The following MYO16 variants were observed in gnomAD, a reference collection of about 807,000 sequenced individuals.
MYO16 encodes the protein myosin XVI.
A neutral mutation model predicts 205.3 loss-of-function variants in MYO16; 94 were observed. The observed-to-expected ratio is 0.46, with a 90% CI of 0.39 to 0.54. The LOEUF (loss-of-function observed/expected upper bound fraction) is 0.54, where lower values mean the gene tolerates loss of function less well. Among genes scored for constraint, MYO16 ranks in the 20% least tolerant of loss-of-function variants. The pLI, the probability that MYO16 is intolerant of heterozygous loss-of-function variation, is 0.00. For missense variants in MYO16, 2,315 were observed against 2,387.5 expected (o/e 0.97, Z 0.63); for synonymous variants, 988 against 954.0 (o/e 1.04, Z -0.66).
At chr13:109,052,588 TA>T in intron 25 of MYO16, 113 bp downstream of exon 25, 1 of 794,042 alleles carries the variant, frequency 1.3e-6, no homozygotes, top group Non-Finnish European at 1.9e-6. Flanking sequence ...GATATTCTAA[TA>T]GAAAGTATTA....
rs912976961 is a variant in MYO16, at chr13:109,055,686, G to A, written c.3335+91G>A. On this transcript the variant is annotated intron_variant, in intron 27 of 34. Transcript: ENST00000457511. The surrounding 1 kb of genome is among the most constrained non-coding windows in gnomAD (Gnocchi z 5.0). ...ACTATTGTAGCAAGGGTCTTCTGTT[G>A]TCTTTTTTGGCACTGCTTTTGTTGT... 2.5e-6 allele frequency: 3 copies of A among 1,184,800 alleles called. No homozygotes were observed. The highest frequency in any genetic ancestry group is 3.6e-6 in the Non-Finnish European group (3 of 828,278). 73.4% of individuals were successfully genotyped at this position (1,184,800 alleles called of 1,614,324 possible). A position where few individuals can be genotyped will look rare whatever the true frequency, so the allele number is the denominator to read the frequency against.
chr13:108,844,469 G>A lies in MYO16; in HGVS notation c.1224G>A (p.Met408Ile), dbSNP rs756074837. The A allele has an allele frequency of 1.5e-5, 24 of 1,610,868 alleles. No homozygotes were observed. The highest frequency in any genetic ancestry group is 3.3e-5 in the Admixed American group (2 of 59,848). ...SQDSIPENPM[M>I]SGSTKPEQVK... The stretch of plus-strand genomic sequence containing the variant: ...ACAGCATCCCTGAAAACCCCATGAT[G>A]AGCGGTTCCACCAAACCCGAGCAGG... The change falls in exon 10 of 35, where the codon ATG becomes ATA. Residue 408 changes from methionine (M) to isoleucine (I), a missense_variant. Met to Ile is a conservative substitution (Grantham distance 10). Around this residue, in one of 3 missense-constraint regions of MYO16, gnomAD observed 1,213 missense variants for 1,274.4 expected, o/e 0.95. Transcript: ENST00000457511.
intron 32 of MYO16, among the ~76,000 whole-genome samples, chr13:109,160,332 A>AGC (rs1344421976): frequency 6.6e-6 from 1 of 152,218 alleles, no homozygotes; most frequent in African/African-American, 2.4e-5. Flanking sequence ...GCTAGATTAA[A>AGC]ATTCACCTTA....
chr13:108,760,824 C>T (rs1885581286), intron 4 of MYO16, among the ~76,000 whole-genome samples: 1 of 152,142 alleles, frequency 6.6e-6, no homozygotes, highest in African/African-American at 2.4e-5. Context: ...CTCTCCCACC[C>T]TTCCCAGCCT....
Position 109,182,320 on chromosome 13 carries a change from T to C in MYO16, c.5415+2687T>C, listed in dbSNP as rs114709554. Among the ~76,000 whole-genome samples the C allele has an allele frequency of 2.5e-3, 386 of 152,248 alleles. 3 individuals carry two copies. Among genetic ancestry groups the C allele is most frequent in the African/African-American group, 8.9e-3 (370 of 41,546 alleles). On this transcript the variant is annotated intron_variant, in intron 34 of 34. Coordinates refer to ENST00000457511, the MANE Select transcript of MYO16 (RefSeq NM_001198950.3). ...ACATGTAAGATGGGCTCAGTTAACC[T>C]ACCTACGATGGATGCAGAGTGAGGG...
At chr13:109,108,833 C>G (rs139132537) in intron 28 of MYO16, among the ~76,000 whole-genome samples, 1 of 152,132 alleles carries the variant, frequency 6.6e-6, no homozygotes, top group East Asian at 1.9e-4. Context: ...CCAAGGGGCC[C>G]AGGGTGAGGG....
chr13:108,606,388 T>G (rs568237399), intron 1 of MYO16, among the ~76,000 whole-genome samples: 16 of 152,312 alleles, frequency 1.1e-4, no homozygotes, highest in Non-Finnish European at 1.8e-4. Flanking sequence ...CCCCTTTCTC[T>G]GTGCAGTCTC....
At chr13:108,848,057 T>C (rs1877616889) in intron 10 of MYO16, among the ~76,000 whole-genome samples, 1 of 152,198 alleles carries the variant, frequency 6.6e-6, no homozygotes, top group Non-Finnish European at 1.5e-5. Flanking sequence ...TGGAGCTCTA[T>C]GGAAGTCCCA....
intron 16 of MYO16, among the ~76,000 whole-genome samples, chr13:108,944,337 C>T (rs1882853299): frequency 1.3e-5 from 2 of 152,094 alleles, no homozygotes; most frequent in African/African-American, 2.4e-5. Context: ...TTTTTAGGAT[C>T]ACCTGTTAAG....
chr13:109,025,716 G>A (rs1269508117), intron 23 of MYO16, among the ~76,000 whole-genome samples: 1 of 152,072 alleles, frequency 6.6e-6, no homozygotes, highest in African/African-American at 2.4e-5. Flanking sequence ...ATTATGGGTT[G>A]GAGAAAGACA....
At chr13:108,973,137 T>G (rs1301966898) in intron 20 of MYO16, among the ~76,000 whole-genome samples, 1 of 152,084 alleles carries the variant, frequency 6.6e-6, no homozygotes, top group African/African-American at 2.4e-5. Context: ...CCCATTCCAG[T>G]ATCTGTCTGG....
At chr13:108,777,677 C>G (rs1886167210) in intron 4 of MYO16, among the ~76,000 whole-genome samples, 1 of 152,148 alleles carries the variant, frequency 6.6e-6, no homozygotes. Flanking sequence ...TGCAGTGCCT[C>G]TCCTCCCTCA....
At chr13:109,062,929 G>T (rs1175767270) in intron 27 of MYO16, among the ~76,000 whole-genome samples, 1 of 152,016 alleles carries the variant, frequency 6.6e-6, no homozygotes, top group East Asian at 1.9e-4. Flanking sequence ...ATATCACCTT[G>T]TCTTAACTGT....
chr13:109,182,776 A>T (rs2139923691), intron 34 of MYO16, among the ~76,000 whole-genome samples: 1 of 152,364 alleles, frequency 6.6e-6, no homozygotes, highest in East Asian at 1.9e-4. Context: ...TAAAAAAAAT[A>T]TAGAAAATAT....
chr13:108,529,485 A>T, the MYO16 span, among the ~76,000 whole-genome samples: 1 of 152,274 alleles, frequency 6.6e-6, no homozygotes, highest in South Asian at 2.1e-4. Flanking sequence ...TTTCTCTATT[A>T]AAACCCCACC....
intron 16 of MYO16, among the ~76,000 whole-genome samples, chr13:108,940,214 G>C (rs1384895656): frequency 2.6e-5 from 4 of 152,146 alleles, no homozygotes; most frequent in Non-Finnish European, 5.9e-5. Flanking sequence ...ACAAGATTCA[G>C]ATATCACATT....
chr13:108,970,887 G>A lies in MYO16; in HGVS notation c.2369+5985G>A, dbSNP rs374124565. 3.3e-5 allele frequency among the ~76,000 whole-genome samples: 5 copies of A among 152,232 alleles called. No homozygotes were observed. In the South Asian group the frequency reaches 6.2e-4, roughly 19 times the overall value. ...ACAAGAATTCTTGGGGTTGAAGGTAGAGAGGGGCTAAAGAATGGGAAAGTG... is the reference window on the plus strand; with the variant it reads ...ACAAGAATTCTTGGGGTTGAAGGTAAAGAGGGGCTAAAGAATGGGAAAGTG... On this transcript the variant is annotated intron_variant, in intron 20 of 34. Coordinates refer to ENST00000457511, the MANE Select transcript of MYO16 (RefSeq NM_001198950.3).
chr13:108,634,259 A>G (rs1302308330), intron 1 of MYO16, among the ~76,000 whole-genome samples: 3 of 152,034 alleles, frequency 2.0e-5, no homozygotes, highest in Non-Finnish European at 2.9e-5. Flanking sequence ...CCCTCCCACC[A>G]TTAAATCTGC....
At chr13:108,789,750 A>G (rs1012773633) in intron 5 of MYO16, among the ~76,000 whole-genome samples, 1 of 152,202 alleles carries the variant, frequency 6.6e-6, no homozygotes, top group African/African-American at 2.4e-5. Flanking sequence ...CTATGAGCAC[A>G]GAGGATCCCA....
Sources: allele counts gnomAD v4.1 joint callset (sites outside exome capture counted in the v4.1 genomes callset), GRCh38; gene constraint gnomAD v4.1.1; regional missense constraint gnomAD v4.1.1; non-coding constraint Gnocchi (gnomAD v3.1); transcripts MANE v1.5; gene names NCBI Gene and HGNC (gene_info 2026-07-23, HGNC 2026-07-21).